Variants in SMAP2 observed in about 807,000 individuals in gnomAD.
SMAP2 encodes the protein stromal membrane-associated protein 2.
In SMAP2, 25 loss-of-function variants were observed where a neutral mutation model predicts 56.4. That is an observed-to-expected ratio of 0.44 (90% CI 0.32 to 0.62). The LOEUF (loss-of-function observed/expected upper bound fraction) is 0.62, where lower values mean the gene tolerates loss of function less well. SMAP2 is among the 20% of genes least tolerant of loss of function. The probability of loss-of-function intolerance (pLI) is 0.04; values close to 1 mark genes in which losing one functional copy is unlikely to be tolerated. For synonymous variants in SMAP2, 157 were observed against 181.7 expected (o/e 0.86, Z 1.09); for missense variants, 388 against 545.6 (o/e 0.71, Z 2.88).
intron 4 of SMAP2, among the ~76,000 whole-genome samples, chr1:40,412,556 C>A (rs755083954): frequency 1.3e-5 from 2 of 152,022 alleles, no homozygotes; most frequent in South Asian, 4.2e-4. Flanking sequence ...GGTTTATTTT[C>A]TGACTGTTAA....
chr1:40,408,955 G>C lies in SMAP2; in HGVS notation c.323+217G>C, dbSNP rs778016723. 6.6e-5 allele frequency among the ~76,000 whole-genome samples: 10 copies of C among 152,170 alleles called. No homozygotes were observed. Among genetic ancestry groups the C allele is most frequent in the Non-Finnish European group, 1.3e-4 (9 of 68,028 alleles). On this transcript the variant is annotated intron_variant, in intron 3 of 9. Transcript: ENST00000372718. The surrounding 1 kb of genome is among the most constrained non-coding windows in gnomAD (Gnocchi z 4.3). ...GTGTCACTTGAAGAAGACTCACTCT[G>C]GAATTAAGACTGCAGTGATTTCACT...
Position 40,422,912 on chromosome 1 carries a change from A to G in SMAP2, c.*811A>G. The G allele has an allele frequency of 6.6e-6, 1 of 152,470 alleles. No individual in the cohort carries two copies. The highest frequency in any genetic ancestry group is 1.5e-5 in the Non-Finnish European group (1 of 68,220). The allele number at this position is 152,470 out of a possible 1,614,324, so 9.4% of individuals were successfully genotyped here. A position where few individuals can be genotyped will look rare whatever the true frequency, so the allele number is the denominator to read the frequency against. On this transcript the variant is annotated 3_prime_UTR_variant, in exon 10 of 10. Transcript: ENST00000372718. ...TGTGTGCGTGAGTGTGTGTGTGTGT[A>G]TGAGTGTGTGTTCCGCCTCCCACCC... is the stretch of plus-strand genomic sequence containing the variant.
At chr1:40,378,867 A>AG (rs1338696675) in intron 1 of SMAP2, among the ~76,000 whole-genome samples, 1 of 152,190 alleles carries the variant, frequency 6.6e-6, no homozygotes, top group Non-Finnish European at 1.5e-5. Context: ...AAAATCCAAA[A>AG]GGTCCAAAGG....
intron 1 of SMAP2, among the ~76,000 whole-genome samples, chr1:40,353,670 G>T (rs941499379): frequency 6.6e-6 from 1 of 152,014 alleles, no homozygotes. Context: ...GGCCCAGAAG[G>T]CTTCTTAAAA....
chr1:40,394,358 C>T (rs998454400), intron 1 of SMAP2, among the ~76,000 whole-genome samples: 1 of 152,054 alleles, frequency 6.6e-6, no homozygotes, highest in African/African-American at 2.4e-5. Flanking sequence ...TACGGGGATC[C>T]ACTTTTGCTC....
chr1:40,374,897 A>G lies in SMAP2; in HGVS notation c.103+674A>G. The G allele has an allele frequency of 1.0e-6, 1 of 985,350 alleles. No homozygotes were observed. The highest frequency in any genetic ancestry group is 1.2e-6 in the Non-Finnish European group (1 of 829,906). The allele number at this position is 985,350 out of a possible 1,614,324, so 61.0% of individuals were successfully genotyped here. On this transcript the variant is annotated intron_variant, in intron 1 of 9. Coordinates refer to ENST00000372718, the MANE Select transcript of SMAP2 (RefSeq NM_022733.3). This position sits in a 1 kb window ranked among gnomAD's most constrained non-coding sequence, Gnocchi z 5.9. ...GGCTTGTAGAGTGCGTTGGAGGCCT[A>G]TGTATGAGTGGTGGCAGAAACTAGC...
intron 9 of SMAP2, among the ~76,000 whole-genome samples, chr1:40,420,813 G>C (rs754699547): frequency 6.6e-6 from 1 of 152,150 alleles, no homozygotes; most frequent in Non-Finnish European, 1.5e-5. Flanking sequence ...AACTGTCCTG[G>C]GTTCTTAAAA....
chr1:40,370,976 C>T (rs1248792665), upstream of SMAP2, among the ~76,000 whole-genome samples: 2 of 152,054 alleles, frequency 1.3e-5, no homozygotes, highest in South Asian at 2.1e-4. Context: ...AGATTGAGAC[C>T]ATCCTGGCTA....
intron 1 of SMAP2, among the ~76,000 whole-genome samples, chr1:40,360,004 C>CTT (rs775408458): frequency 0.17 from 17,427 of 102,446 alleles, 2,528 homozygotes; most frequent in East Asian, 0.32. Context: ...CTTCTTCTTT[C>CTT]TTTTTTTTTT....
At chr1:40,365,702 ACAT>A (rs916769556) in intron 2 of SMAP2, among the ~76,000 whole-genome samples, 3 of 152,206 alleles carry the variant, frequency 2.0e-5, no homozygotes, top group African/African-American at 4.8e-5. Context: ...ACCCATCTGT[ACAT>A]CACCATCATC....
At chr1:40,378,028 T>G (rs182487413) in intron 1 of SMAP2, among the ~76,000 whole-genome samples, 1 of 152,314 alleles carries the variant, frequency 6.6e-6, no homozygotes, top group Admixed American at 6.5e-5. Context: ...ATGCCAGTAG[T>G]TGTTACTCTG....
intron 1 of SMAP2, among the ~76,000 whole-genome samples, chr1:40,404,267 A>G (rs1322908253): frequency 6.6e-6 from 1 of 152,242 alleles, no homozygotes; most frequent in Non-Finnish European, 1.5e-5. Context: ...GAGATTGAGT[A>G]TCTGGGATAT....
At position 40,392,873 on chromosome 1, in the gene SMAP2, G is replaced by A. The variant is rs184325417; in HGVS notation, c.104-13863G>A. ...GCAGCACGTTGGGAGGCCGAGGCAG[G>A]TGCATCACTAGGTCAGGAGATCGAG... is the stretch of plus-strand genomic sequence containing the variant. On this transcript the variant is annotated intron_variant, in intron 1 of 9. Transcript: ENST00000372718. Among the ~76,000 whole-genome samples, 76 of 152,212 alleles carry A rather than the reference G, an allele frequency of 5.0e-4. No homozygotes were observed. In the East Asian group the frequency reaches 0.014, roughly 28 times the overall value.
chr1:40,353,731 G>T (rs1644420018), intron 1 of SMAP2, among the ~76,000 whole-genome samples: 1 of 151,846 alleles, frequency 6.6e-6, no homozygotes, highest in South Asian at 2.1e-4. Flanking sequence ...ACCTAGAGTG[G>T]GCTGAGAATT....
intron 1 of SMAP2, among the ~76,000 whole-genome samples, chr1:40,379,045 T>G (rs1244767007): frequency 1.3e-5 from 2 of 151,466 alleles, no homozygotes; most frequent in African/African-American, 4.9e-5. Context: ...GATGGCAAGA[T>G]CTTGGTTCAC....
In SMAP2 at chr1:40,385,988, A is replaced by G. The variant is rs1276342640; in HGVS notation, c.103+11765A>G. 6.6e-6 allele frequency among the ~76,000 whole-genome samples: 1 copy of G among 152,200 alleles called. No individual in the cohort carries two copies. Among genetic ancestry groups the G allele is most frequent in the East Asian group, 1.9e-4 (1 of 5,196 alleles). ...TCTGTGCCTTCAAAAATAATTTCTT[A>G]CAGAATTTTCTGTGTGAACTGGTGA... On this transcript the variant is annotated intron_variant, in intron 1 of 9. Transcript: ENST00000372718. This position sits in a 1 kb window ranked among gnomAD's most constrained non-coding sequence, Gnocchi z 4.5.
intron 9 of SMAP2, among the ~76,000 whole-genome samples, chr1:40,417,570 G>T (rs576526466): frequency 6.6e-6 from 1 of 152,300 alleles, no homozygotes; most frequent in Admixed American, 6.5e-5. Flanking sequence ...CCCAGAAGGA[G>T]AAGGACCTAC....
chr1:40,354,980 C>A (rs1442631581), intron 1 of SMAP2, among the ~76,000 whole-genome samples: 1 of 151,532 alleles, frequency 6.6e-6, no homozygotes, highest in Non-Finnish European at 1.5e-5. Flanking sequence ...GAGGGGGTTT[C>A]ACCATGTTTG....
intron 5 of SMAP2, among the ~76,000 whole-genome samples, chr1:40,413,481 A>G (rs1365729206): frequency 1.3e-5 from 2 of 152,230 alleles, no homozygotes; most frequent in African/African-American, 4.8e-5. Context: ...AGAACAGTCC[A>G]GAAGTGAGGC....
Sources: gnomAD v4.1 joint callset for allele counts (sites outside exome capture counted in the v4.1 genomes callset) on GRCh38, gnomAD v4.1.1 for gene constraint, Gnocchi (gnomAD v3.1) non-coding constraint, MANE v1.5 for transcripts, NCBI Gene and HGNC (gene_info 2026-07-23, HGNC 2026-07-21) for gene names.